PRSS3: variants seen among roughly 807,000 people sequenced by gnomAD.
The protein encoded by PRSS3 is trypsin-3.
A neutral mutation model predicts 20.8 loss-of-function variants in PRSS3; 14 were observed. That is an observed-to-expected ratio of 0.67 (90% CI 0.44 to 1.05). The LOEUF (loss-of-function observed/expected upper bound fraction) is 1.05. Among genes scored for constraint, PRSS3 ranks in the 50% least tolerant of loss-of-function variants. The pLI is 0.00. For missense variants in PRSS3, 237 were observed against 306.4 expected (o/e 0.77, Z 1.69); for synonymous variants, 91 against 117.6 (o/e 0.77, Z 1.46).
intron 1 of PRSS3, among the ~76,000 whole-genome samples, chr9:33,762,857 C>G (rs1180690175): frequency 2.0e-5 from 3 of 152,104 alleles, no homozygotes; most frequent in Non-Finnish European, 4.4e-5. Flanking sequence ...CCTATTATTG[C>G]GGGAATAGTG....
intron 1 of PRSS3, among the ~76,000 whole-genome samples, chr9:33,756,546 A>G (rs535625177): frequency 6.6e-6 from 1 of 152,296 alleles, no homozygotes; most frequent in Non-Finnish European, 1.5e-5. Context: ...GAATCTGAAA[A>G]TGGGATCTCT....
At chr9:33,783,829 G>A (rs561155264) in intron 1 of PRSS3, among the ~76,000 whole-genome samples, 233 of 150,068 alleles carry the variant, frequency 1.6e-3, no homozygotes, top group African/African-American at 5.6e-3. Flanking sequence ...GGCGGAGCTT[G>A]CAGTGAGCCG....
intron 1 of PRSS3, among the ~76,000 whole-genome samples, chr9:33,781,858 T>A (rs1824197310): frequency 1.3e-5 from 2 of 152,180 alleles, no homozygotes; most frequent in Non-Finnish European, 2.9e-5. Context: ...CAGAGGTAAT[T>A]AATTACAAAG....
At chr9:33,772,208 A>C (rs770300250) in intron 1 of PRSS3, among the ~76,000 whole-genome samples, 71 of 152,318 alleles carry the variant, frequency 4.7e-4, no homozygotes, top group Middle Eastern at 3.4e-3. Flanking sequence ...ACATGCTCTA[A>C]GAGGGAGTTA....
At chr9:33,756,899 C>A (rs1822975059) in intron 1 of PRSS3, among the ~76,000 whole-genome samples, 1 of 152,154 alleles carries the variant, frequency 6.6e-6, no homozygotes, top group Non-Finnish European at 1.5e-5. Context: ...AAGTTTTATA[C>A]ATGTTTAGGG....
chr9:33,760,637 T>C (rs1469563980), intron 1 of PRSS3, among the ~76,000 whole-genome samples: 1 of 149,976 alleles, frequency 6.7e-6, no homozygotes, highest in East Asian at 2.0e-4. Flanking sequence ...TCCCAGCTAC[T>C]CGGGAGGCTG....
At chr9:33,751,796 T>C (rs2118689772) in intron 1 of PRSS3, among the ~76,000 whole-genome samples, 1 of 152,312 alleles carries the variant, frequency 6.6e-6, no homozygotes, top group South Asian at 2.1e-4. Context: ...AACCTGGGTG[T>C]TGTGCAGTGG....
At chr9:33,789,020 T>C (rs1447626443) in intron 1 of PRSS3, among the ~76,000 whole-genome samples, 2 of 152,196 alleles carry the variant, frequency 1.3e-5, no homozygotes, top group African/African-American at 2.4e-5. Context: ...TTTACAAATA[T>C]GAGTGGCCAT....
chr9:33,762,458 C>A (rs10971689), intron 1 of PRSS3, among the ~76,000 whole-genome samples: 47,973 of 151,918 alleles, frequency 0.32, 8,503 homozygotes, highest in East Asian at 0.56. Flanking sequence ...AACACAGAAC[C>A]CTCTGCATCC....
At chr9:33,785,181 T>A (rs1408151500) in intron 1 of PRSS3, among the ~76,000 whole-genome samples, 1 of 79,886 alleles carries the variant, frequency 1.3e-5, no homozygotes, top group African/African-American at 5.0e-5. Context: ...TTTTTTTTTT[T>A]TTTTTTTTTT....
intron 1 of PRSS3, among the ~76,000 whole-genome samples, chr9:33,755,824 G>A (rs1050356055): frequency 2.0e-5 from 3 of 152,118 alleles, no homozygotes; most frequent in African/African-American, 7.2e-5. Context: ...GAGTGGGGAG[G>A]AAAAGCCAGG....
At chr9:33,795,063 G>A (rs554837647), upstream of PRSS3, among the ~76,000 whole-genome samples, 1 of 152,320 alleles carries the variant, frequency 6.6e-6, no homozygotes, top group Non-Finnish European at 1.5e-5. Context: ...CACAGTGACT[G>A]CAAAGAAGCA....
chr9:33,791,169 T>C (rs1221013185), upstream of PRSS3, among the ~76,000 whole-genome samples: 1 of 152,356 alleles, frequency 6.6e-6, no homozygotes, highest in East Asian at 1.9e-4. Flanking sequence ...ACACATGTCA[T>C]GTGCCAATCC....
chr9:33,771,799 CTTTTTGTT>C (rs530267491), intron 1 of PRSS3, among the ~76,000 whole-genome samples: 241 of 149,432 alleles, frequency 1.6e-3, no homozygotes, highest in Middle Eastern at 3.4e-3. Flanking sequence ...CTTTTCTTTT[CTTTTTGTT>C]TTTTTGTTTT....
chr9:33,758,109 G>C (rs551661380), intron 1 of PRSS3, among the ~76,000 whole-genome samples: 3 of 152,156 alleles, frequency 2.0e-5, no homozygotes, highest in South Asian at 4.2e-4. Context: ...CTTCCTTCCA[G>C]TGTCTTTGAT....
At chr9:33,788,529 A>G (rs536712136) in intron 1 of PRSS3, among the ~76,000 whole-genome samples, 13 of 152,144 alleles carry the variant, frequency 8.5e-5, no homozygotes, top group Non-Finnish European at 1.9e-4. Context: ...ACGGTACCCT[A>G]CTCATACTTT....
At chr9:33,793,224 C>G (rs1285624875), upstream of PRSS3, among the ~76,000 whole-genome samples, 1 of 152,210 alleles carries the variant, frequency 6.6e-6, no homozygotes, top group Non-Finnish European at 1.5e-5. Flanking sequence ...CCAAAAATCC[C>G]GTTCTCCAAA....
Position 33,796,657 on chromosome 9 carries a change from G to A in PRSS3, c.55G>A (p.Asp19Asn), listed in dbSNP as rs746701640. The change falls in exon 2 of 5, where the codon GAC becomes AAC. Residue 19 changes from aspartate to asparagine, a missense_variant. Physicochemically the swap from Asp to Asn is conservative, Grantham distance 23 (BLOSUM62 1). Coordinates refer to ENST00000379405, the MANE Select transcript of PRSS3 (RefSeq NM_002771.4). ...TTCCACTCCAGTTGCTGTCCCCTTTGACGATGATGACAAGATTGTTGGGGG... is the reference window on the plus strand; with the variant it reads ...TTCCACTCCAGTTGCTGTCCCCTTTAACGATGATGACAAGATTGTTGGGGG... ...FVGAAVAVPF[D>N]DDDKIVGGYT... 50 of 1,613,748 alleles carry A rather than the reference G, an allele frequency of 3.1e-5. No individual in the cohort carries two copies. The highest frequency in any genetic ancestry group is 4.2e-5 in the Non-Finnish European group (49 of 1,179,842).
rs762253151 is a variant in PRSS3 at position 33,799,222 on chromosome 9, C to T, written c.*42C>T. 3.1e-5 allele frequency: 50 copies of T among 1,607,602 alleles called. No homozygotes were observed. Among genetic ancestry groups the T allele is most frequent in the Non-Finnish European group, 3.9e-5 (46 of 1,176,532 alleles). On this transcript the variant is annotated 3_prime_UTR_variant, in exon 5 of 5. Transcript: ENST00000379405. ...GCAGTCTCTATACCAATAAAGTGGC[C>T]CTGCTCTCACTCTGTGTCTGTGCCG...
Sources: gnomAD v4.1 joint callset for allele counts (sites outside exome capture counted in the v4.1 genomes callset) on GRCh38, gnomAD v4.1.1 for gene constraint, MANE v1.5 for transcripts, NCBI Gene and HGNC (gene_info 2026-07-23, HGNC 2026-07-21) for gene names.